The following SLC5A8 variants were observed in gnomAD, a reference collection of about 807,000 sequenced individuals.
The protein encoded by SLC5A8 is solute carrier family 5 member 8, also known as sodium-coupled monocarboxylate transporter 1.
SLC5A8 carries 55 observed loss-of-function variants against 71.9 expected under a neutral mutation model. The ratio of observed to expected loss-of-function variants is 0.77; its 90% CI spans 0.62 to 0.96. SLC5A8 has a LOEUF of 0.96. SLC5A8 is among the 40% of genes least tolerant of loss of function. SLC5A8 has a pLI of 0.00. For synonymous variants in SLC5A8, 307 were observed against 276.1 expected, an observed-to-expected ratio of 1.11 and a Z score of -1.11; for missense variants, 701 against 745.3, an observed-to-expected ratio of 0.94 and a Z score of 0.69.
In SLC5A8 at chr12:101,162,047, T is replaced by C; in HGVS notation, c.1557A>G (p.Leu519=). The part of the protein sequence containing the change: ...RTPLMDNWYS[L]SYLYFSTVGT... ...CAACAGTGCTGAAGTACAGATATGA[T>C]AAAGAATACCAGTTATCCATCAGTG... Residue 519 remains leucine (L), a synonymous_variant, in exon 13 of 15, where the codon TTA becomes TTG. Transcript: ENST00000536262. The C allele has an allele frequency of 6.2e-7, 1 of 1,613,682 alleles. No homozygotes were observed. Among genetic ancestry groups the C allele is most frequent in the Non-Finnish European group, 8.5e-7 (1 of 1,179,772 alleles).
intron 9 of SLC5A8, 123 bp downstream of exon 9, chr12:101,182,680 C>A (rs1378122801): frequency 9.5e-6 from 6 of 634,500 alleles, no homozygotes; most frequent in Non-Finnish European, 1.4e-5. Flanking sequence ...CATAGGCATA[C>A]ATATGTGGAT....
intron 7 of SLC5A8, among the ~76,000 whole-genome samples, chr12:101,185,335 A>G (rs906506004): frequency 1.3e-5 from 2 of 152,232 alleles, no homozygotes; most frequent in African/African-American, 4.8e-5. Context: ...AGTAGGTTCC[A>G]TCTATAGTGT....
chr12:101,186,788 T>C (rs1258344853), intron 7 of SLC5A8, among the ~76,000 whole-genome samples: 1 of 152,226 alleles, frequency 6.6e-6, no homozygotes, highest in Non-Finnish European at 1.5e-5. Context: ...TGATAACTGC[T>C]CATAGTTATT....
At chr12:101,196,071 G>A (rs139192100) in intron 3 of SLC5A8, among the ~76,000 whole-genome samples, 333 of 152,138 alleles carry the variant, frequency 2.2e-3, no homozygotes, top group African/African-American at 7.6e-3. Context: ...TGTGTCATGG[G>A]GGTTCCTTGT....
At chr12:101,195,785 C>T (rs576497138) in intron 3 of SLC5A8, among the ~76,000 whole-genome samples, 2 of 148,820 alleles carry the variant, frequency 1.3e-5, no homozygotes, top group South Asian at 2.1e-4. Flanking sequence ...CAATCTCCAC[C>T]TCCTGGGTTC....
At chr12:101,164,006 A>T (rs1362368843) in intron 12 of SLC5A8, among the ~76,000 whole-genome samples, 1 of 152,224 alleles carries the variant, frequency 6.6e-6, no homozygotes, top group Non-Finnish European at 1.5e-5. Flanking sequence ...TTAACAATAA[A>T]GCTTTTAAAT....
At position 101,157,348 on chromosome 12, in the gene SLC5A8, A is replaced by G. The variant is rs765968716; in HGVS notation, c.1764T>C (p.Asp588=). ...KSHPVEDGGT[D]NPAFNHIELN... ...ATTCAATGTGGTTGAAAGCAGGATT[A>G]TCAGTTCCACCATCTTCCACTGGAT... The change falls in exon 15 of 15, where the codon GAT becomes GAC. Residue 588 remains aspartate (D), a synonymous_variant. Transcript: ENST00000536262. The G allele has an allele frequency of 1.5e-5, 25 of 1,613,010 alleles. No individual in the cohort carries two copies. Among genetic ancestry groups the G allele is most frequent in the Non-Finnish European group, 2.0e-5 (24 of 1,179,504 alleles).
At chr12:101,189,129 G>A (rs1566318402) in intron 6 of SLC5A8, among the ~76,000 whole-genome samples, 2 of 152,164 alleles carry the variant, frequency 1.3e-5, no homozygotes, top group South Asian at 2.1e-4. Flanking sequence ...TATCAAGTCG[G>A]GCTTTTTGGG....
chr12:101,168,581 G>A (rs1054043248), intron 10 of SLC5A8, among the ~76,000 whole-genome samples: 1 of 152,208 alleles, frequency 6.6e-6, no homozygotes, highest in East Asian at 1.9e-4. Flanking sequence ...GACGAGTACT[G>A]CTATGTGACC....
intron 10 of SLC5A8, among the ~76,000 whole-genome samples, chr12:101,178,189 A>C (rs1368498515): frequency 6.6e-6 from 1 of 152,160 alleles, no homozygotes; most frequent in African/African-American, 2.4e-5. Context: ...TACCATGTTC[A>C]TGTTTTAGAA....
Position 101,194,061 on chromosome 12 carries a change from C to T in SLC5A8, c.538-282G>A, listed in dbSNP as rs192618300. ...AACTACATGGCATGCTGAATGGGGCCAGATACATTCCACAGAATAAAGTGG... is the reference window on the plus strand; with the variant it reads ...AACTACATGGCATGCTGAATGGGGCTAGATACATTCCACAGAATAAAGTGG... On this transcript the variant is annotated intron_variant, in intron 4 of 14. Coordinates refer to ENST00000536262, the MANE Select transcript of SLC5A8 (RefSeq NM_145913.5). Among the ~76,000 whole-genome samples, 54 of 152,230 alleles carry T rather than the reference C, an allele frequency of 3.5e-4. No individual in the cohort carries two copies. In the East Asian group the frequency reaches 6.9e-3, roughly 20 times the overall value.
At chr12:101,185,210 T>A (rs980504720) in intron 7 of SLC5A8, among the ~76,000 whole-genome samples, 2 of 152,252 alleles carry the variant, frequency 1.3e-5, no homozygotes, top group African/African-American at 4.8e-5. Context: ...CAAAGCTTAC[T>A]CAATCTTTAT....
At chr12:101,179,026 A>G (rs980733253) in intron 10 of SLC5A8, among the ~76,000 whole-genome samples, 1 of 152,228 alleles carries the variant, frequency 6.6e-6, no homozygotes, top group Admixed American at 6.5e-5. Flanking sequence ...GAAAGAAGAT[A>G]CATAGATGAA....
intron 12 of SLC5A8, among the ~76,000 whole-genome samples, chr12:101,165,612 C>T (rs972077015): frequency 2.0e-5 from 3 of 152,154 alleles, no homozygotes; most frequent in Non-Finnish European, 4.4e-5. Flanking sequence ...CCTGGAAGTC[C>T]CACTGGCTAG....
chr12:101,209,521 G>GT lies in SLC5A8; in HGVS notation c.327dup (p.Leu110ThrfsTer15). On this transcript the variant is annotated frameshift_variant, in exon 1 of 15. Transcript: ENST00000536262. LOFTEE classifies it high-confidence loss of function. Reference sequence around the variant, plus strand: ...ACCTCGTAGGTGCTGGTAATTCCCAGTTTGTAGAACACCGGGAGGAAGACC... The same window carrying GT: ...ACCTCGTAGGTGCTGGTAATTCCCAGTTTTGTAGAACACCGGGAGGAAGACC... The GT allele has an allele frequency of 1.9e-6, 3 of 1,557,518 alleles. No individual in the cohort carries two copies. The highest frequency in any genetic ancestry group is 2.6e-6 in the Non-Finnish European group (3 of 1,147,318).
chr12:101,190,085 T>A (rs992273717), intron 6 of SLC5A8, among the ~76,000 whole-genome samples: 1 of 152,238 alleles, frequency 6.6e-6, no homozygotes. Flanking sequence ...ATTTTCTCTA[T>A]TGCTATATCA....
intron 14 of SLC5A8, among the ~76,000 whole-genome samples, chr12:101,157,698 T>C (rs1566302647): frequency 6.6e-6 from 1 of 151,868 alleles, no homozygotes; most frequent in South Asian, 2.1e-4. Context: ...TATCAGAGGA[T>C]AGACAGATAT....
chr12:101,162,948 A>G (rs7969185), intron 12 of SLC5A8, among the ~76,000 whole-genome samples: 32,439 of 152,178 alleles, frequency 0.21, 4,150 homozygotes, highest in African/African-American at 0.35. Context: ...GGAAAGTAAA[A>G]CAAGATGATG....
chr12:101,193,114 G>A (rs1868992927), intron 5 of SLC5A8, among the ~76,000 whole-genome samples: 1 of 151,934 alleles, frequency 6.6e-6, no homozygotes, highest in Non-Finnish European at 1.5e-5. Flanking sequence ...TGGGATTACA[G>A]GTGCCTGCCA....
Sources: allele counts gnomAD v4.1 joint callset (sites outside exome capture counted in the v4.1 genomes callset), GRCh38; gene constraint gnomAD v4.1.1; transcripts MANE v1.5; gene names NCBI Gene and HGNC (gene_info 2026-07-23, HGNC 2026-07-21).